Variants in DGLUCY observed in about 807,000 individuals in gnomAD.
DGLUCY encodes the protein D-glutamate cyclase, mitochondrial.
DGLUCY carries 58 observed loss-of-function variants against 58.5 expected under a neutral mutation model. The observed-to-expected ratio is 0.99, with a 90% CI of 0.80 to 1.23. The LOEUF (loss-of-function observed/expected upper bound fraction) is 1.23. Among genes scored for constraint, DGLUCY ranks in the 50% most tolerant of loss-of-function variants. The pLI is 0.00. For missense variants in DGLUCY, 779 were observed against 784.7 expected, an observed-to-expected ratio of 0.99 and a Z score of 0.09; for synonymous variants, 325 against 314.1, an observed-to-expected ratio of 1.03 and a Z score of -0.37.
intron 1 of DGLUCY, among the ~76,000 whole-genome samples, chr14:91,068,085 A>ACG (rs1291457723): frequency 2.8e-3 from 385 of 136,146 alleles, no homozygotes; most frequent in Non-Finnish European, 4.2e-3. Flanking sequence ...GCACGCACAC[A>ACG]CACACACACA....
chr14:91,086,157 A>G (rs1234688495), intron 1 of DGLUCY, among the ~76,000 whole-genome samples: 1 of 151,844 alleles, frequency 6.6e-6, no homozygotes, highest in Non-Finnish European at 1.5e-5. Flanking sequence ...TTCTCCCATC[A>G]CCCCCAGATG....
intron 1 of DGLUCY, among the ~76,000 whole-genome samples, chr14:91,149,922 C>A (rs903440091): frequency 5.9e-5 from 9 of 152,214 alleles, no homozygotes; most frequent in Admixed American, 5.9e-4. Flanking sequence ...TTTTCAGAGT[C>A]ATAAAGCTTA....
intron 1 of DGLUCY, among the ~76,000 whole-genome samples, chr14:91,147,277 G>T (rs149829654): frequency 1.6e-3 from 249 of 152,282 alleles, no homozygotes; most frequent in African/African-American, 5.6e-3. Flanking sequence ...TAAAGAATTT[G>T]TGGGGCAGGA....
At chr14:91,195,861 A>G (rs551121329) in intron 9 of DGLUCY, among the ~76,000 whole-genome samples, 5 of 151,998 alleles carry the variant, frequency 3.3e-5, no homozygotes, top group East Asian at 1.9e-4. Flanking sequence ...TAGTGGAGAC[A>G]GGGTTTCACC....
intron 1 of DGLUCY, among the ~76,000 whole-genome samples, chr14:91,134,440 C>CTT (rs960149078): frequency 2.1e-5 from 3 of 144,560 alleles, no homozygotes; most frequent in Non-Finnish European, 1.5e-5. Context: ...AATTACATTT[C>CTT]TTTTTTTTTT....
At chr14:91,137,237 T>G (rs1186278799) in intron 1 of DGLUCY, among the ~76,000 whole-genome samples, 1 of 151,682 alleles carries the variant, frequency 6.6e-6, no homozygotes, top group Admixed American at 6.6e-5. Flanking sequence ...GTTCCCAAAT[T>G]GCTAGGATTA....
At chr14:91,152,027 T>C (rs913140565) in intron 1 of DGLUCY, among the ~76,000 whole-genome samples, 2 of 152,172 alleles carry the variant, frequency 1.3e-5, no homozygotes, top group Non-Finnish European at 2.9e-5. Flanking sequence ...CAGCTCCACC[T>C]TGTGGCTTTA....
intron 13 of DGLUCY, among the ~76,000 whole-genome samples, chr14:91,220,281 C>A (rs1420925526): frequency 6.6e-6 from 1 of 152,234 alleles, no homozygotes; most frequent in Non-Finnish European, 1.5e-5. Context: ...CGTAACAGAT[C>A]TACTTTTTGG....
intron 1 of DGLUCY, among the ~76,000 whole-genome samples, chr14:91,126,235 G>C (rs1315033446): frequency 2.0e-5 from 3 of 152,048 alleles, no homozygotes; most frequent in African/African-American, 7.3e-5. Flanking sequence ...TGTATTAGGG[G>C]GACTATATTC....
chr14:91,067,294 C>G (rs1349768837), intron 1 of DGLUCY, among the ~76,000 whole-genome samples: 1 of 151,688 alleles, frequency 6.6e-6, no homozygotes, highest in African/African-American at 2.4e-5. Context: ...GGTACATGGA[C>G]AGTCATTTAG....
chr14:91,116,929 TGA>T (rs2044997036), intron 1 of DGLUCY, among the ~76,000 whole-genome samples: 1 of 117,356 alleles, frequency 8.5e-6, no homozygotes, highest in South Asian at 3.1e-4. Flanking sequence ...GGCGACAGAG[TGA>T]GAGTCTGTCT....
intron 8 of DGLUCY, 108 bp from the exon 9 acceptor site, chr14:91,188,802 C>T (rs1416791276): frequency 7.7e-6 from 10 of 1,291,294 alleles, no homozygotes; most frequent in African/African-American, 1.5e-5. Flanking sequence ...GCCTTCCAGC[C>T]TGGATGACAG....
At chr14:91,066,430 T>C (rs2043822745) in intron 1 of DGLUCY, among the ~76,000 whole-genome samples, 1 of 151,530 alleles carries the variant, frequency 6.6e-6, no homozygotes, top group African/African-American at 2.4e-5. Flanking sequence ...AAACTGACTT[T>C]ATCCAGGCTG....
chr14:91,133,373 A>G (rs938525322), intron 1 of DGLUCY, among the ~76,000 whole-genome samples: 55 of 152,072 alleles, frequency 3.6e-4, no homozygotes, highest in African/African-American at 1.3e-3. Context: ...TATATACCAA[A>G]TTTGTTTATC....
intron 1 of DGLUCY, among the ~76,000 whole-genome samples, chr14:91,134,866 G>A (rs971848754): frequency 6.6e-6 from 1 of 152,068 alleles, no homozygotes; most frequent in Non-Finnish European, 1.5e-5. Context: ...ATAATGTTGG[G>A]TTTTCCACGC....
intron 9 of DGLUCY, among the ~76,000 whole-genome samples, chr14:91,193,820 C>T (rs982970125): frequency 4.9e-5 from 7 of 143,582 alleles, no homozygotes; most frequent in South Asian, 2.2e-4. Flanking sequence ...CCAGCCTGGG[C>T]GACAGAGTGA....
At chr14:91,161,325 C>T (rs982254937) in intron 3 of DGLUCY, among the ~76,000 whole-genome samples, 9 of 152,228 alleles carry the variant, frequency 5.9e-5, no homozygotes, top group African/African-American at 1.7e-4. Context: ...TCACCTTGGC[C>T]TCCCAAAGTG....
chr14:91,177,588 CAT>C (rs1294532489), intron 7 of DGLUCY, among the ~76,000 whole-genome samples: 1 of 152,208 alleles, frequency 6.6e-6, no homozygotes, highest in Non-Finnish European at 1.5e-5. Flanking sequence ...GTGACAGAAA[CAT>C]GAAAAATAAC....
intron 7 of DGLUCY, among the ~76,000 whole-genome samples, chr14:91,178,133 C>T (rs777025540): frequency 5.9e-5 from 9 of 152,060 alleles, no homozygotes; most frequent in East Asian, 1.9e-4. Flanking sequence ...GAACAAATGA[C>T]ATCAGAGAGG....
Sources: allele counts gnomAD v4.1 joint callset (sites outside exome capture counted in the v4.1 genomes callset), GRCh38; gene constraint gnomAD v4.1.1; transcripts MANE v1.5; gene names NCBI Gene and HGNC (gene_info 2026-07-23, HGNC 2026-07-21).